Variants in ZC3H7A observed in about 807,000 individuals in gnomAD.
ZC3H7A encodes zinc finger CCCH-type containing 7A.
Under a neutral mutation model 125.5 loss-of-function variants are expected in ZC3H7A, and 44 were observed. That is an observed-to-expected ratio of 0.35 (90% CI 0.28 to 0.45). The LOEUF (loss-of-function observed/expected upper bound fraction) is 0.45. Ranked by LOEUF, ZC3H7A falls within the 20% of genes least tolerant of loss-of-function variation. ZC3H7A has a pLI of 1.00. For synonymous variants in ZC3H7A, 399 were observed against 391.2 expected (o/e 1.02, Z -0.23); for missense variants, 977 against 1,170.7 (o/e 0.83, Z 2.41).
chr16:11,773,807 C>T (rs13335058), intron 9 of ZC3H7A, among the ~76,000 whole-genome samples: 3,350 of 149,758 alleles, frequency 0.022, 192 homozygotes, highest in African/African-American at 0.082. Flanking sequence ...GGTGTGAACC[C>T]GGGAGGCGGA....
chr16:11,767,312 T>G, intron 13 of ZC3H7A, 105 bp downstream of exon 13: 1 of 982,178 alleles, frequency 1.0e-6, no homozygotes, highest in South Asian at 1.9e-5. Flanking sequence ...TCTGTGATGT[T>G]CCCCTAATGA....
At chr16:11,786,028 C>T (rs1028732880) in intron 1 of ZC3H7A, among the ~76,000 whole-genome samples, 2 of 152,162 alleles carry the variant, frequency 1.3e-5, no homozygotes, top group Non-Finnish European at 2.9e-5. Context: ...TAGTAGAAGA[C>T]TGAGGCTGGA....
At chr16:11,763,992 C>T (rs2052807471) in intron 15 of ZC3H7A, among the ~76,000 whole-genome samples, 1 of 151,328 alleles carries the variant, frequency 6.6e-6, no homozygotes, top group African/African-American at 2.4e-5. Context: ...GACGGGGTTT[C>T]ACCGTGTTAG....
chr16:11,791,131 ATCC>A (rs2053344211), intron 1 of ZC3H7A, among the ~76,000 whole-genome samples: 1 of 141,200 alleles, frequency 7.1e-6, no homozygotes, highest in African/African-American at 2.5e-5. Context: ...ACACACACAC[ATCC>A]CAATGCTTGC....
intron 16 of ZC3H7A, 53 bp from the exon 17 acceptor site, chr16:11,762,800 A>G: frequency 6.3e-7 from 1 of 1,578,344 alleles, no homozygotes; most frequent in South Asian, 1.1e-5. Flanking sequence ...ACAACAGCCC[A>G]CCAATCTGGG....
chr16:11,773,115 G>A (rs77778332), intron 9 of ZC3H7A, among the ~76,000 whole-genome samples: 1 of 151,956 alleles, frequency 6.6e-6, no homozygotes, highest in Non-Finnish European at 1.5e-5. Flanking sequence ...CACATAAAAT[G>A]AATAGTCACT....
intron 1 of ZC3H7A, among the ~76,000 whole-genome samples, chr16:11,795,783 G>A (rs566226476): frequency 7.2e-5 from 11 of 152,072 alleles, no homozygotes; most frequent in Non-Finnish European, 1.3e-4. Flanking sequence ...TAAAAAAAGA[G>A]AAAAAGAAAA....
intron 1 of ZC3H7A, among the ~76,000 whole-genome samples, chr16:11,796,066 C>T (rs1197618085): frequency 1.3e-5 from 2 of 152,198 alleles, no homozygotes; most frequent in Admixed American, 6.5e-5. Flanking sequence ...CTCCTGCACT[C>T]AAACGATCCT....
Position 11,769,188 on chromosome 16 carries a change from C to T in ZC3H7A, c.1109-93G>A, listed in dbSNP as rs1368595703. The T allele has an allele frequency of 4.9e-5, 51 of 1,039,566 alleles. No individual in the cohort carries two copies. In the East Asian group the frequency reaches 1.2e-3, roughly 25 times the overall value. 64.4% of individuals were successfully genotyped at this position (1,039,566 alleles called of 1,614,324 possible). A position where few individuals can be genotyped will look rare whatever the true frequency, so the allele number is the denominator to read the frequency against. On this transcript the variant is annotated intron_variant, in intron 10 of 22. Coordinates refer to ENST00000355758, the MANE Select transcript of ZC3H7A (RefSeq NM_014153.4). ...GTAGCTTACTGGCTATGGCCTCCCA[C>T]GCTATTCTCCCGTCCCAGTTTCTAG...
At chr16:11,762,797 C>G in intron 16 of ZC3H7A, 50 bp from the exon 17 acceptor site, 1 of 1,582,552 alleles carries the variant, frequency 6.3e-7, no homozygotes, top group South Asian at 1.1e-5. Context: ...AGAACAACAG[C>G]CCACCAATCT....
intron 19 of ZC3H7A, among the ~76,000 whole-genome samples, chr16:11,760,525 A>G (rs2141167409): frequency 6.6e-6 from 1 of 152,312 alleles, no homozygotes; most frequent in African/African-American, 2.4e-5. Context: ...AGGTGGTGAA[A>G]AATACATCTA....
chr16:11,773,252 T>C (rs1218156521), intron 9 of ZC3H7A, among the ~76,000 whole-genome samples: 1 of 151,852 alleles, frequency 6.6e-6, no homozygotes, highest in Non-Finnish European at 1.5e-5. Flanking sequence ...CAATCAGTGC[T>C]CACTGCAGCC....
intron 19 of ZC3H7A, 128 bp downstream of exon 19, chr16:11,761,278 C>T (rs926934640): frequency 2.8e-5 from 24 of 860,436 alleles, no homozygotes; most frequent in Middle Eastern, 3.5e-4. Flanking sequence ...CAAAGAGGAA[C>T]CATTTAAATA....
chr16:11,762,297 G>C (rs1403347807), intron 17 of ZC3H7A, among the ~76,000 whole-genome samples: 2 of 152,052 alleles, frequency 1.3e-5, no homozygotes, highest in African/African-American at 4.8e-5. Context: ...GACTAGAATT[G>C]TTTCATTTGG....
In ZC3H7A at chr16:11,770,644, G is replaced by C. The variant is rs1227634673; in HGVS notation, c.1108+139C>G. The C allele has an allele frequency of 4.6e-6, 4 of 868,858 alleles. No individual in the cohort carries two copies. In the Admixed American group the frequency reaches 8.9e-5, roughly 19 times the overall value. The allele number at this position is 868,858 out of a possible 1,614,324, so 53.8% of individuals were successfully genotyped here. On this transcript the variant is annotated intron_variant, in intron 10 of 22. Coordinates refer to ENST00000355758, the MANE Select transcript of ZC3H7A (RefSeq NM_014153.4). ...AGTCAAGGTAAATTCAAAACTGAAG[G>C]CTTAGTCTTTATATTTTTAGCTACA...
At chr16:11,761,532 A>G (rs1170871611) in intron 18 of ZC3H7A, 21 bp from the exon 19 acceptor site, 1 of 1,612,568 alleles carries the variant, frequency 6.2e-7, no homozygotes, top group Non-Finnish European at 8.5e-7. Context: ...TGGAGTTCAG[A>G]AAAAAACAAA....
Position 11,781,950 on chromosome 16 carries a change from C to T in ZC3H7A, c.68+337G>A, listed in dbSNP as rs942566456. On this transcript the variant is annotated intron_variant, in intron 2 of 22. Coordinates refer to ENST00000355758, the MANE Select transcript of ZC3H7A (RefSeq NM_014153.4). ...TAAACACTGAGCTTCTGAACAGACA[C>T]GTCTGATCACAGAAGCCCTCTGTGC... Among the ~76,000 whole-genome samples the T allele has an allele frequency of 5.3e-5, 8 of 152,240 alleles. No homozygotes were observed. The South Asian group carries it at 1.0e-3, about 20-fold the overall frequency.
Position 11,770,853 on chromosome 16 carries a change from T to C in ZC3H7A, c.1038A>G (p.Pro346=). The stretch of plus-strand genomic sequence containing the variant: ...AATCTTCTAAGGATGAAGTCAAAGG[T>C]GGATAAAATTCTGAGAAGGAGGGTG... ...APPPSFSEFY[P]PLTSSLEDFC... is the part of the protein sequence containing the mutation. Residue 346 remains proline, a synonymous_variant, in exon 10 of 23, where the codon CCA becomes CCG. Coordinates refer to ENST00000355758, the MANE Select transcript of ZC3H7A (RefSeq NM_014153.4). 6.2e-7 allele frequency: 1 copy of C among 1,614,032 alleles called. No homozygotes were observed. The highest frequency in any genetic ancestry group is 1.3e-5 in the African/African-American group (1 of 74,978).
In ZC3H7A at chr16:11,762,536, T is replaced by C. The variant is rs1361322848; in HGVS notation, c.2079+135A>G. 3 of 817,782 alleles carry C rather than the reference T, an allele frequency of 3.7e-6. No individual in the cohort carries two copies. The African/African-American group carries it at 5.2e-5, about 14-fold the overall frequency. 50.7% of individuals were successfully genotyped at this position (817,782 alleles called of 1,614,324 possible). A position where few individuals can be genotyped will look rare whatever the true frequency, so the allele number is the denominator to read the frequency against. On this transcript the variant is annotated intron_variant, in intron 17 of 22. Transcript: ENST00000355758. ...CTAAAATGCAAATTGTTTTTTCACA[T>C]AAGAATGACTCACCTGAATGAATAT...
Sources: gnomAD v4.1 joint callset for allele counts (sites outside exome capture counted in the v4.1 genomes callset) on GRCh38, gnomAD v4.1.1 for gene constraint, MANE v1.5 for transcripts, NCBI Gene and HGNC (gene_info 2026-07-23, HGNC 2026-07-21) for gene names.